EPHA7: variants seen among roughly 807,000 people sequenced by gnomAD.
EPHA7 encodes EPH receptor A7.
In EPHA7, 25 loss-of-function variants were observed where a neutral mutation model predicts 112.6. That is an observed-to-expected ratio of 0.22 (90% CI 0.16 to 0.31). The LOEUF (loss-of-function observed/expected upper bound fraction) is 0.31, where lower values mean the gene tolerates loss of function less well. Ranked by LOEUF, EPHA7 falls within the 10% of genes least tolerant of loss-of-function variation. The pLI is 1.00. For synonymous variants in EPHA7, 437 were observed against 406.5 expected (o/e 1.07, Z -0.90); for missense variants, 962 against 1,212.6 (o/e 0.79, Z 3.07).
intron 5 of EPHA7, 85 bp downstream of exon 5, chr6:93,356,632 A>G: frequency 7.9e-7 from 1 of 1,261,048 alleles, no homozygotes; most frequent in South Asian, 1.4e-5. Context: ...AGCTCTGTGC[A>G]GAGAAACTAA....
chr6:93,394,477 C>G (rs893738502), intron 3 of EPHA7, among the ~76,000 whole-genome samples: 3 of 151,506 alleles, frequency 2.0e-5, no homozygotes, highest in Non-Finnish European at 4.4e-5. Context: ...GAAGAACTGA[C>G]TAAACACATG....
intron 3 of EPHA7, among the ~76,000 whole-genome samples, chr6:93,359,530 T>G (rs1445009820): frequency 2.6e-5 from 4 of 151,912 alleles, no homozygotes; most frequent in African/African-American, 9.7e-5. Flanking sequence ...ATTTAATTTA[T>G]TGGCTGAAAG....
chr6:93,364,906 AAC>A (rs1278501511), intron 3 of EPHA7, among the ~76,000 whole-genome samples: 1 of 152,318 alleles, frequency 6.6e-6, no homozygotes, highest in African/African-American at 2.4e-5. Context: ...TCACTTAAAA[AAC>A]AGTCTTACCA....
intron 5 of EPHA7, among the ~76,000 whole-genome samples, chr6:93,292,201 A>G (rs1017556819): frequency 2.0e-5 from 3 of 152,162 alleles, no homozygotes; most frequent in African/African-American, 7.2e-5. Flanking sequence ...CATTTTGTCC[A>G]AGTTGCTAAA....
At chr6:93,310,230 C>T (rs993197834) in intron 5 of EPHA7, among the ~76,000 whole-genome samples, 16 of 152,220 alleles carry the variant, frequency 1.1e-4, no homozygotes, top group African/African-American at 2.4e-4. Flanking sequence ...GAAAGTTGTA[C>T]GGCCACCCCC....
Position 93,411,042 on chromosome 6 carries a change from C to T in EPHA7, c.291G>A (p.Arg97=), listed in dbSNP as rs765415676. 9.9e-6 allele frequency: 16 copies of T among 1,613,896 alleles called. No homozygotes were observed. In the East Asian group the frequency reaches 1.1e-4, roughly 11 times the overall value. Residue 97 remains arginine (R), a synonymous_variant, in exon 3 of 17, where the codon AGG becomes AGA. Transcript: ENST00000369303. Reference sequence around the variant, plus strand: ...GGGTGAATTTCAATTCTACAAAAATCCTTTGTGCATTGCCTTTGGAAATCC... The same window carrying T: ...GGGTGAATTTCAATTCTACAAAAATTCTTTGTGCATTGCCTTTGGAAATCC... The part of the protein sequence containing the change: ...TNWISKGNAQ[R]IFVELKFTLR...
At chr6:93,280,833 A>C (rs976272634) in intron 5 of EPHA7, among the ~76,000 whole-genome samples, 1 of 152,146 alleles carries the variant, frequency 6.6e-6, no homozygotes, top group African/African-American at 2.4e-5. Flanking sequence ...AAGTATTATT[A>C]TTCTATTATG....
Position 93,243,166 on chromosome 6 carries a change from GTGTTTGGATGTTTTTCAGGTAGTACT to G in EPHA7, c.*234_*259del, listed in dbSNP as rs1769757271. On this transcript the variant is annotated 3_prime_UTR_variant, in exon 17 of 17. Coordinates refer to ENST00000369303, the MANE Select transcript of EPHA7 (RefSeq NM_004440.4). ...CAAAAAGGAGGTTAGAGAGCTCAAGGTGTTTGGATGTTTTTCAGGTAGTACTTTGTTTATTGTCACTGCTATTTTCC... is the reference window on the plus strand; with the variant it reads ...CAAAAAGGAGGTTAGAGAGCTCAAGGTTGTTTATTGTCACTGCTATTTTCC... 1 of 331,372 alleles carries G rather than the reference GTGTTTGGATGTTTTTCAGGTAGTACT, an allele frequency of 3.0e-6. No individual in the cohort carries two copies. Among genetic ancestry groups the G allele is most frequent in the African/African-American group, 2.1e-5 (1 of 47,756 alleles). 20.5% of individuals were successfully genotyped at this position (331,372 alleles called of 1,614,324 possible). A position where few individuals can be genotyped will look rare whatever the true frequency, so the allele number is the denominator to read the frequency against.
chr6:93,295,235 C>T (rs183160768), intron 5 of EPHA7, among the ~76,000 whole-genome samples: 1 of 152,120 alleles, frequency 6.6e-6, no homozygotes, highest in East Asian at 1.9e-4. Flanking sequence ...TACATATCTG[C>T]AGTTCAACCA....
intron 13 of EPHA7, 137 bp from the exon 14 acceptor site, chr6:93,254,933 GTATT>G (rs1215069346): frequency 3.5e-6 from 2 of 573,870 alleles, no homozygotes; most frequent in East Asian, 2.9e-5. Flanking sequence ...ATCTCTATGC[GTATT>G]TAAAGTTATT....
chr6:93,345,971 T>C (rs984431086), intron 5 of EPHA7, among the ~76,000 whole-genome samples: 8 of 151,628 alleles, frequency 5.3e-5, no homozygotes, highest in Admixed American at 1.3e-4. Context: ...TGAACTCATG[T>C]AGTGAAAACA....
chr6:93,366,415 A>T (rs1489380054), intron 3 of EPHA7, among the ~76,000 whole-genome samples: 1 of 152,210 alleles, frequency 6.6e-6, no homozygotes, highest in Non-Finnish European at 1.5e-5. Context: ...TCTGCAAATG[A>T]TTGTTTATAA....
At chr6:93,361,218 A>T (rs555623620) in intron 3 of EPHA7, among the ~76,000 whole-genome samples, 1 of 152,236 alleles carries the variant, frequency 6.6e-6, no homozygotes, top group East Asian at 1.9e-4. Flanking sequence ...TCTTTGAAGT[A>T]ATATTCTGTC....
chr6:93,329,463 C>T (rs1388804964), intron 5 of EPHA7, among the ~76,000 whole-genome samples: 1 of 151,192 alleles, frequency 6.6e-6, no homozygotes, highest in Non-Finnish European at 1.5e-5. Flanking sequence ...AGCATATGGG[C>T]CAAGAACTGT....
At chr6:93,282,857 T>G (rs951608260) in intron 5 of EPHA7, among the ~76,000 whole-genome samples, 1 of 152,142 alleles carries the variant, frequency 6.6e-6, no homozygotes, top group Non-Finnish European at 1.5e-5. Flanking sequence ...GCTCAGGACC[T>G]GCACCCTGCC....
intron 3 of EPHA7, among the ~76,000 whole-genome samples, chr6:93,390,617 G>C (rs886244112): frequency 1.3e-5 from 2 of 151,374 alleles, no homozygotes; most frequent in African/African-American, 2.4e-5. Context: ...GGGGAGTGGG[G>C]ATATAAATGT....
intron 3 of EPHA7, among the ~76,000 whole-genome samples, chr6:93,393,568 A>G (rs1206341636): frequency 6.6e-6 from 1 of 151,870 alleles, no homozygotes; most frequent in Admixed American, 6.6e-5. Context: ...ACTGATTAAC[A>G]TATTTTTTAA....
At chr6:93,380,969 C>G (rs1427905192) in intron 3 of EPHA7, among the ~76,000 whole-genome samples, 1 of 152,144 alleles carries the variant, frequency 6.6e-6, no homozygotes, top group East Asian at 1.9e-4. Context: ...AAAAGCTCTG[C>G]AGACGGTGAC....
chr6:93,294,612 T>C (rs986693425), intron 5 of EPHA7, among the ~76,000 whole-genome samples: 4 of 152,152 alleles, frequency 2.6e-5, no homozygotes, highest in African/African-American at 7.2e-5. Context: ...AATTGGTAGT[T>C]AAATGTTGTT....
Sources: gnomAD v4.1 joint callset for allele counts (sites outside exome capture counted in the v4.1 genomes callset) on GRCh38, gnomAD v4.1.1 for gene constraint, MANE v1.5 for transcripts, NCBI Gene and HGNC (gene_info 2026-07-23, HGNC 2026-07-21) for gene names.